RNF182: variants seen among roughly 807,000 people sequenced by gnomAD.
RNF182 encodes the protein E3 ubiquitin-protein ligase RNF182.
In RNF182, 15 loss-of-function variants were observed where a neutral mutation model predicts 14.4. The ratio of observed to expected loss-of-function variants is 1.04; its 90% CI spans 0.70 to 1.60. The LOEUF (loss-of-function observed/expected upper bound fraction) is 1.60, where lower values mean the gene tolerates loss of function less well. Among genes scored for constraint, RNF182 ranks in the 40% most tolerant of loss-of-function variants. The pLI, the probability that RNF182 is intolerant of heterozygous loss-of-function variation, is 0.00. For synonymous variants in RNF182, 128 were observed against 122.9 expected (o/e 1.04, Z -0.27); for missense variants, 268 against 294.8 (o/e 0.91, Z 0.67).
chr6:13,933,889 G>C (rs959504286), intron 1 of RNF182, among the ~76,000 whole-genome samples: 2 of 152,120 alleles, frequency 1.3e-5, no homozygotes, highest in Non-Finnish European at 2.9e-5. Flanking sequence ...CTGGTGGCAT[G>C]CGCCTGTAGT....
chr6:13,935,133 T>C (rs2113585768), intron 1 of RNF182, among the ~76,000 whole-genome samples: 1 of 152,332 alleles, frequency 6.6e-6, no homozygotes, highest in South Asian at 2.1e-4. Flanking sequence ...TGGATGTACA[T>C]GGAAGATGCA....
chr6:13,924,772 T>C (rs1423806182), upstream of RNF182: 1 of 151,070 alleles, frequency 6.6e-6, no homozygotes, highest in African/African-American at 2.4e-5. Flanking sequence ...AGGGGCGTGT[T>C]TGTGGTGGTG....
chr6:13,962,967 GT>G (rs919193792), intron 1 of RNF182, among the ~76,000 whole-genome samples: 4 of 152,016 alleles, frequency 2.6e-5, no homozygotes, highest in African/African-American at 9.7e-5. Context: ...TGACAGCTCT[GT>G]TTTTTGTTTT....
intron 1 of RNF182, among the ~76,000 whole-genome samples, chr6:13,926,545 A>G (rs1029971982): frequency 2.0e-5 from 3 of 152,198 alleles, no homozygotes; most frequent in Non-Finnish European, 4.4e-5. Context: ...TTTAAACTGA[A>G]TTTTACCTGT....
At chr6:13,961,869 G>T (rs1032616481) in intron 1 of RNF182, among the ~76,000 whole-genome samples, 5 of 152,118 alleles carry the variant, frequency 3.3e-5, no homozygotes, top group African/African-American at 9.7e-5. Context: ...GGTATTGTGG[G>T]TTAAATTCTT....
In RNF182 at chr6:13,926,705, G is replaced by T. The variant is rs183687284; in HGVS notation, c.-367+1682G>T. Among the ~76,000 whole-genome samples the T allele has an allele frequency of 2.2e-3, 331 of 152,098 alleles. 2 individuals carry two copies. Among genetic ancestry groups the T allele is most frequent in the African/African-American group, 7.4e-3 (306 of 41,500 alleles). On this transcript the variant is annotated intron_variant, in intron 1 of 2. Coordinates refer to ENST00000488300, the MANE Select transcript of RNF182 (RefSeq NM_152737.4). Reference sequence around the variant, plus strand: ...CATGAACAGCAAATAGGATATTGAAGCCTAGGCACATTATATAGACAGAGA... The same window carrying T: ...CATGAACAGCAAATAGGATATTGAATCCTAGGCACATTATATAGACAGAGA...
chr6:13,956,743 C>T (rs888813314), intron 1 of RNF182, among the ~76,000 whole-genome samples: 1 of 152,098 alleles, frequency 6.6e-6, no homozygotes, highest in Non-Finnish European at 1.5e-5. Context: ...TAATTATGAC[C>T]GTCTTCAAGG....
At chr6:13,972,890 G>A (rs1254717296) in intron 1 of RNF182, among the ~76,000 whole-genome samples, 1 of 152,232 alleles carries the variant, frequency 6.6e-6, no homozygotes, top group Non-Finnish European at 1.5e-5. Flanking sequence ...CTGGGGCACT[G>A]CCTAGTGGAG....
intron 1 of RNF182, among the ~76,000 whole-genome samples, chr6:13,954,243 A>T (rs982794527): frequency 3.9e-5 from 6 of 152,202 alleles, no homozygotes; most frequent in African/African-American, 1.4e-4. Flanking sequence ...TTGCCTTTAA[A>T]TAATATAACT....
rs1036938475 is a variant in RNF182, at chr6:13,979,845, T to C, written c.*1982T>C. On this transcript the variant is annotated 3_prime_UTR_variant, in exon 3 of 3. Coordinates refer to ENST00000488300, the MANE Select transcript of RNF182 (RefSeq NM_152737.4). ...AGTGATAAACTTGTGTCTCCGTGTA[T>C]TGTGGCAGTCTTTTTTTCTAGTTAA... The C allele has an allele frequency of 1.2e-5, 2 of 167,088 alleles. No homozygotes were observed. The highest frequency in any genetic ancestry group is 2.9e-5 in the Non-Finnish European group (2 of 68,112). The allele number at this position is 167,088 out of a possible 1,614,324, so 10.4% of individuals were successfully genotyped here.
intron 1 of RNF182, among the ~76,000 whole-genome samples, chr6:13,967,643 T>C (rs1486231407): frequency 6.6e-6 from 1 of 152,218 alleles, no homozygotes; most frequent in Non-Finnish European, 1.5e-5. Flanking sequence ...TCTCTGATCA[T>C]AATCCCGTAC....
intron 1 of RNF182, among the ~76,000 whole-genome samples, chr6:13,930,115 A>G (rs1318547787): frequency 1.4e-5 from 2 of 139,636 alleles, no homozygotes; most frequent in Non-Finnish European, 3.2e-5. Context: ...AAATATTTGG[A>G]AAAATATTTG....
At chr6:13,953,614 G>C (rs1385874770) in intron 1 of RNF182, among the ~76,000 whole-genome samples, 2 of 152,208 alleles carry the variant, frequency 1.3e-5, no homozygotes, top group South Asian at 2.1e-4. Flanking sequence ...GGGCCACTTA[G>C]AGAAAGGAAA....
intron 1 of RNF182, among the ~76,000 whole-genome samples, chr6:13,973,539 C>G (rs1482442948): frequency 1.3e-4 from 20 of 152,032 alleles, no homozygotes; most frequent in African/African-American, 4.8e-4. Context: ...AGTCAGTTTC[C>G]CCTATACTGT....
At chr6:13,935,872 C>G (rs1165078807) in intron 1 of RNF182, among the ~76,000 whole-genome samples, 1 of 152,150 alleles carries the variant, frequency 6.6e-6, no homozygotes, top group Non-Finnish European at 1.5e-5. Flanking sequence ...AGTCCATTCT[C>G]ACATTGCTAT....
intron 1 of RNF182, among the ~76,000 whole-genome samples, chr6:13,935,139 A>G (rs1284077955): frequency 1.3e-5 from 2 of 152,246 alleles, no homozygotes; most frequent in African/African-American, 4.8e-5. Context: ...TACATGGAAG[A>G]TGCAAGGGGG....
chr6:13,926,659 A>G (rs1758835577), intron 1 of RNF182, among the ~76,000 whole-genome samples: 2 of 152,244 alleles, frequency 1.3e-5, no homozygotes, highest in South Asian at 2.1e-4. Flanking sequence ...AACGGGAGAG[A>G]AAAGTATTTT....
chr6:13,958,628 A>C (rs1759788275), intron 1 of RNF182, among the ~76,000 whole-genome samples: 1 of 152,192 alleles, frequency 6.6e-6, no homozygotes, highest in African/African-American at 2.4e-5. Context: ...AATGGTAAGC[A>C]ACATATTAGT....
chr6:13,943,799 T>TAACTG (rs1759362224), intron 1 of RNF182, among the ~76,000 whole-genome samples: 1 of 152,196 alleles, frequency 6.6e-6, no homozygotes, highest in Admixed American at 6.5e-5. Context: ...TACCGGAGCT[T>TAACTG]AACTGAACTG....
Sources: allele counts gnomAD v4.1 joint callset (sites outside exome capture counted in the v4.1 genomes callset), GRCh38; gene constraint gnomAD v4.1.1; transcripts MANE v1.5; gene names NCBI Gene and HGNC (gene_info 2026-07-23, HGNC 2026-07-21).